Variants in TOP2B observed in about 807,000 individuals in gnomAD.
TOP2B encodes the protein DNA topoisomerase II beta, also known as DNA topoisomerase 2-beta.
Under a neutral mutation model 193.5 loss-of-function variants are expected in TOP2B, and 51 were observed. The observed-to-expected ratio is 0.26, with a 90% confidence interval of 0.21 to 0.33. The LOEUF (loss-of-function observed/expected upper bound fraction) is 0.33. TOP2B is among the 10% of genes least tolerant of loss of function. TOP2B has a pLI of 1.00. For synonymous variants in TOP2B, 634 were observed against 635.7 expected (o/e 1.00, Z 0.04); for missense variants, 1,378 against 1,909.3 (o/e 0.72, Z 5.19).
chr3:25,630,472 G>A lies in TOP2B; in HGVS notation c.1406-3C>T, dbSNP rs1702924732. The A allele has an allele frequency of 2.0e-6, 3 of 1,524,450 alleles. No homozygotes were observed. The highest frequency in any genetic ancestry group is 1.4e-5 in the African/African-American group (1 of 71,598). The allele number at this position is 1,524,450 out of a possible 1,614,324, so 94.4% of individuals were successfully genotyped here. On this transcript the variant is annotated splice_region_variant and splice_polypyrimidine_tract_variant and intron_variant, in intron 11 of 35. Coordinates refer to ENST00000264331, the MANE Select transcript of TOP2B (RefSeq NM_001330700.2). ...ACACTCCAGGGAATGTTTACCACCT[G>A]AGAGAAATTTAAAATTATACATAGT... is the stretch of plus-strand genomic sequence containing the variant.
In TOP2B at chr3:25,619,558, TA is replaced by T. The variant is rs563242336; in HGVS notation, c.3063+303del. ...GTTAAAATGCTAATAGAGATGGCCATAAAGTACACAAAGGCCCTGCAATAAC... is the reference window on the plus strand; with the variant it reads ...GTTAAAATGCTAATAGAGATGGCCATAAGTACACAAAGGCCCTGCAATAAC... On this transcript the variant is annotated intron_variant, in intron 23 of 35. Coordinates refer to ENST00000264331, the MANE Select transcript of TOP2B (RefSeq NM_001330700.2). Among the ~76,000 whole-genome samples the T allele has an allele frequency of 2.0e-5, 3 of 152,162 alleles. No individual in the cohort carries two copies. In the South Asian group the frequency reaches 6.2e-4, roughly 32 times the overall value.
At chr3:25,629,324 T>C (rs1386370471) in intron 13 of TOP2B, among the ~76,000 whole-genome samples, 179 bp from the exon 14 acceptor site, 1 of 152,104 alleles carries the variant, frequency 6.6e-6, no homozygotes, top group Non-Finnish European at 1.5e-5. Context: ...AAGAATATAG[T>C]AGTAATAGAC....
intron 28 of TOP2B, among the ~76,000 whole-genome samples, chr3:25,612,280 G>A (rs948579041): frequency 1.3e-5 from 2 of 152,116 alleles, no homozygotes; most frequent in Non-Finnish European, 2.9e-5. Flanking sequence ...GCTGAGTGGA[G>A]TGTTTCTATT....
At chr3:25,608,024 A>C (rs1702277118) in intron 30 of TOP2B, among the ~76,000 whole-genome samples, 1 of 151,858 alleles carries the variant, frequency 6.6e-6, no homozygotes, top group Non-Finnish European at 1.5e-5. Flanking sequence ...ACCTCAAGTG[A>C]TCCTCCCTCC....
intron 22 of TOP2B, among the ~76,000 whole-genome samples, chr3:25,620,409 T>TA (rs760878419): frequency 5.9e-5 from 9 of 151,798 alleles, no homozygotes; most frequent in Non-Finnish European, 1.0e-4. Flanking sequence ...TTACAAGAAT[T>TA]AAAAACACTG....
rs369067973 is a variant in TOP2B, at chr3:25,611,376, A to G, written c.3786+1139T>C. On this transcript the variant is annotated intron_variant, in intron 28 of 35. Transcript: ENST00000264331. ...ACCTGAGTTTATCAGAACAGAAGAG[A>G]AAGGCTACTCTGGTGTCAAAATGCA... Among the ~76,000 whole-genome samples the G allele has an allele frequency of 3.4e-4, 52 of 152,286 alleles. 1 individual carries two copies. In the South Asian group the frequency reaches 0.01, roughly 30 times the overall value.
chr3:25,636,128 C>T lies in TOP2B; in HGVS notation c.660G>A (p.Met220Ile), dbSNP rs750737822. Residue 220 changes from methionine to isoleucine, a missense_variant, in exon 7 of 36, where the codon ATG (methionine) becomes ATA (isoleucine). Physicochemically the swap from Met to Ile is conservative, Grantham distance 10. Coordinates refer to ENST00000264331, the MANE Select transcript of TOP2B (RefSeq NM_001330700.2). ...SFKQTWMNNM[M>I]KTSEAKIKHF... is the part of the protein sequence containing the mutation. ...GTTTAATTTTGGCTTCAGAAGTCTT[C>T]ATCATATTATTCATCCATGTCTTTA... 1.4e-4 allele frequency: 217 copies of T among 1,591,550 alleles called. No individual in the cohort carries two copies. The highest frequency in any genetic ancestry group is 1.8e-4 in the Non-Finnish European group (206 of 1,167,376).
Position 25,609,594 on chromosome 3 carries a change from T to C in TOP2B, c.3905A>G (p.Lys1302Arg). ...AGGCTCCTTCTTCTCCCTCTTAGGT[T>C]TGGGACCTTTATTTATAGGAACTGA... ...TPSVPINKGP[K>R]PKREKKEPGT... The change falls in exon 29 of 36, where the codon AAA (lysine) becomes AGA (arginine). Residue 1302 changes from lysine (K) to arginine (R), a missense_variant. Lys to Arg is a conservative substitution (Grantham distance 26). This residue lies in a region of TOP2B where 556 missense variants were observed against 584.2 expected (regional missense o/e 0.95). Transcript: ENST00000264331. 1 of 1,604,742 alleles carries C rather than the reference T, an allele frequency of 6.2e-7. No individual in the cohort carries two copies. The highest frequency in any genetic ancestry group is 8.5e-7 in the Non-Finnish European group (1 of 1,175,320).
intron 13 of TOP2B, among the ~76,000 whole-genome samples, chr3:25,629,729 T>C (rs1252946776): frequency 6.6e-6 from 1 of 152,112 alleles, no homozygotes; most frequent in South Asian, 2.1e-4. Flanking sequence ...CATGTATAAA[T>C]ATTAACCCTT....
rs759838264 is a variant in TOP2B, at chr3:25,623,578, A to G, written c.2664T>C (p.Tyr888=). The part of the protein sequence containing the change: ...GTGWACKLPN[Y]DAREIVNNVR... ...CATTGTTCACAATTTCCCTAGCATC[A>G]TAGTTGGGTAGTTTACAAGCCCATC... Residue 888 remains tyrosine, a synonymous_variant, in exon 21 of 36, where the codon TAT becomes TAC. Transcript: ENST00000264331. The G allele has an allele frequency of 6.2e-7, 1 of 1,613,910 alleles. No individual in the cohort carries two copies. The highest frequency in any genetic ancestry group is 1.1e-5 in the South Asian group (1 of 91,088).
Position 25,628,933 on chromosome 3 carries a change from TC to T in TOP2B, c.1819del (p.Glu607AsnfsTer17). ...PIVKASKNKQ[E>X]LSFYSIPEFD... ...TTCAGGAATACTGTAGAAGGAAAGT[TC>T]CTGCTTATTTTTGCTTGCCTTAAAT... On this transcript the variant is annotated frameshift_variant, in exon 15 of 36. Transcript: ENST00000264331. LOFTEE classifies it high-confidence loss of function. 6.3e-7 allele frequency: 1 copy of T among 1,599,302 alleles called. No individual in the cohort carries two copies. Among genetic ancestry groups the T allele is most frequent in the Non-Finnish European group, 8.5e-7 (1 of 1,175,736 alleles).
At chr3:25,600,987 A>C in intron 34 of TOP2B, 113 bp downstream of exon 34, 1 of 1,135,764 alleles carries the variant, frequency 8.8e-7, no homozygotes, top group Non-Finnish European at 1.2e-6. Context: ...CTGAGGAGTA[A>C]AGCAATTTAA....
At chr3:25,607,638 T>C (rs962382056) in intron 30 of TOP2B, among the ~76,000 whole-genome samples, 2 of 152,210 alleles carry the variant, frequency 1.3e-5, no homozygotes, top group Non-Finnish European at 2.9e-5. Context: ...CTTATTGATA[T>C]ACTTAATAAT....
intron 1 of TOP2B, among the ~76,000 whole-genome samples, chr3:25,646,536 T>C (rs564777885): frequency 1.2e-4 from 18 of 152,366 alleles, no homozygotes; most frequent in African/African-American, 4.1e-4. Flanking sequence ...GATTCCTTAA[T>C]GCTGACAAAT....
chr3:25,664,128 C>A, intron 1 of TOP2B, 101 bp downstream of exon 1: 2 of 1,497,378 alleles, frequency 1.3e-6, no homozygotes, highest in Non-Finnish European at 8.9e-7. Context: ...GTTCGGGGGA[C>A]GGGATTTCCC....
rs200558865 is a variant in TOP2B, at chr3:25,620,645, T to G, written c.2862+37A>C. 9.2e-5 allele frequency: 147 copies of G among 1,592,278 alleles called. No individual in the cohort carries two copies. The East Asian group carries it at 3.3e-3, about 36-fold the overall frequency. On this transcript the variant is annotated intron_variant, in intron 22 of 35. Coordinates refer to ENST00000264331, the MANE Select transcript of TOP2B (RefSeq NM_001330700.2). Reference sequence around the variant, plus strand: ...TACCAGAAAAAATTGCTTAATACACTGCCCTTCCCTCAGGCAGATCACATA... The same window carrying G: ...TACCAGAAAAAATTGCTTAATACACGGCCCTTCCCTCAGGCAGATCACATA...
At chr3:25,612,425 G>T in intron 28 of TOP2B, 90 bp downstream of exon 28, 2 of 939,588 alleles carry the variant, frequency 2.1e-6, no homozygotes, top group Non-Finnish European at 3.0e-6. Context: ...ATAAAACAAA[G>T]CATGATTTAA....
intron 27 of TOP2B, among the ~76,000 whole-genome samples, chr3:25,613,651 C>T (rs1702435220): frequency 1.3e-5 from 2 of 151,860 alleles, no homozygotes; most frequent in Admixed American, 1.3e-4. Context: ...CTGCTTGAGC[C>T]CAAGTGGTTG....
intron 28 of TOP2B, among the ~76,000 whole-genome samples, chr3:25,610,549 T>C (rs1702344102): frequency 1.3e-5 from 2 of 152,172 alleles, no homozygotes; most frequent in Admixed American, 1.3e-4. Context: ...ATTAAATGTT[T>C]AAAGAATTAG....
Sources: gnomAD v4.1 joint callset for allele counts (sites outside exome capture counted in the v4.1 genomes callset) on GRCh38, gnomAD v4.1.1 for gene constraint, gnomAD v4.1.1 regional missense constraint, MANE v1.5 for transcripts, NCBI Gene and HGNC (gene_info 2026-07-23, HGNC 2026-07-21) for gene names.